The following GTF2IRD2B variants were observed in gnomAD, a reference collection of about 807,000 sequenced individuals.
GTF2IRD2B encodes general transcription factor II-I repeat domain-containing protein 2B.
GTF2IRD2B carries 10 observed loss-of-function variants against 55.6 expected under a neutral mutation model. That is an observed-to-expected ratio of 0.18 (90% CI 0.11 to 0.31). The LOEUF (loss-of-function observed/expected upper bound fraction) is 0.31. GTF2IRD2B is among the 10% of genes least tolerant of loss of function. GTF2IRD2B has a pLI of 1.00. For missense variants in GTF2IRD2B, 206 were observed against 802.7 expected (o/e 0.26, Z 8.98); for synonymous variants, 107 against 320.5 (o/e 0.33, Z 7.12).
chr7:75,104,783 C>T (rs587691291), intron 1 of GTF2IRD2B, among the ~76,000 whole-genome samples: 1,844 of 151,468 alleles, frequency 0.012, no homozygotes, highest in African/African-American at 0.043. Flanking sequence ...CTAGGACCTA[C>T]GCGTCTCATG....
chr7:75,140,743 A>AGGAT (rs1808995686), intron 12 of GTF2IRD2B, among the ~76,000 whole-genome samples: 2 of 152,294 alleles, frequency 1.3e-5, no homozygotes, highest in African/African-American at 4.8e-5. Flanking sequence ...CGTGTTAGCC[A>AGGAT]GGATGGTCTC....
At chr7:75,101,893 CAAAAAAAAAAAA>C (rs1243907524) in intron 1 of GTF2IRD2B, among the ~76,000 whole-genome samples, 1 of 78,422 alleles carries the variant, frequency 1.3e-5, no homozygotes. Flanking sequence ...GACCCCATCT[CAAAAAAAAAAAA>C]AAAAAAAAGA....
At position 75,104,749 on chromosome 7, in the gene GTF2IRD2B, C is replaced by G. The variant is rs1160126929; in HGVS notation, c.-5-4211C>G. On this transcript the variant is annotated intron_variant, in intron 1 of 15. Transcript: ENST00000472837. ...TGTGCATTTGCTTGGTGAGTGGAATCTAGAATGCTCAAGAAAAGACTTTCT... is the reference window on the plus strand; with the variant it reads ...TGTGCATTTGCTTGGTGAGTGGAATGTAGAATGCTCAAGAAAAGACTTTCT... Among the ~76,000 whole-genome samples the G allele has an allele frequency of 2.0e-5, 3 of 152,402 alleles. No individual in the cohort carries two copies. The East Asian group carries it at 5.8e-4, about 29-fold the overall frequency.
At chr7:75,117,444 C>G (rs1478694598) in intron 3 of GTF2IRD2B, among the ~76,000 whole-genome samples, 1 of 152,294 alleles carries the variant, frequency 6.6e-6, no homozygotes, top group African/African-American at 2.4e-5. Flanking sequence ...GCAGTGAGCT[C>G]TCACCTGCCT....
intron 3 of GTF2IRD2B, 83 bp from the exon 4 acceptor site, chr7:75,120,808 T>A: frequency 6.4e-7 from 1 of 1,565,080 alleles, no homozygotes; most frequent in Non-Finnish European, 8.6e-7. Context: ...TTTCCCTTTT[T>A]TCTTTCAATA....
chr7:75,134,562 G>A (rs1808772497), intron 9 of GTF2IRD2B, among the ~76,000 whole-genome samples: 2 of 132,690 alleles, frequency 1.5e-5, no homozygotes, highest in Non-Finnish European at 3.1e-5. Flanking sequence ...ATTGGTTTAT[G>A]TTTTTTTTGT....
intron 1 of GTF2IRD2B, among the ~76,000 whole-genome samples, chr7:75,105,259 T>C (rs1266254834): frequency 6.6e-6 from 1 of 151,236 alleles, no homozygotes; most frequent in Non-Finnish European, 1.5e-5. Context: ...ATCCCAGCAC[T>C]TTAGGAGGCC....
chr7:75,114,242 C>T (rs143321117), intron 3 of GTF2IRD2B, among the ~76,000 whole-genome samples: 20 of 151,220 alleles, frequency 1.3e-4, no homozygotes, highest in African/African-American at 3.4e-4. Context: ...CAGTATGTAA[C>T]TGATACACAA....
intron 6 of GTF2IRD2B, chr7:75,123,783 C>A (rs1430312714): frequency 1.3e-5 from 6 of 467,028 alleles, no homozygotes; most frequent in African/African-American, 7.9e-5. Flanking sequence ...GAGTCTGAGG[C>A]AGGAGAATGG....
At chr7:75,113,743 A>G (rs1371690762) in intron 3 of GTF2IRD2B, among the ~76,000 whole-genome samples, 4 of 148,364 alleles carry the variant, frequency 2.7e-5, no homozygotes, top group Non-Finnish European at 6.0e-5. Flanking sequence ...GTAACCATGA[A>G]AGGATAAAAA....
chr7:75,119,632 T>C (rs2718252), intron 3 of GTF2IRD2B, among the ~76,000 whole-genome samples: 60 of 146,460 alleles, frequency 4.1e-4, no homozygotes, highest in African/African-American at 1.3e-3. Flanking sequence ...CCAGCCTAGG[T>C]GACAGAGTGA....
Position 75,149,556 on chromosome 7 carries a change from T to G in GTF2IRD2B, c.*259T>G, listed in dbSNP as rs1809266987. 3 of 439,048 alleles carry G rather than the reference T, an allele frequency of 6.8e-6. No homozygotes were observed. Among genetic ancestry groups the G allele is most frequent in the African/African-American group, 4.0e-5 (2 of 49,474 alleles). The allele number at this position is 439,048 out of a possible 1,614,324, so 27.2% of individuals were successfully genotyped here. ...CCACCATGCCCGGCTAATTTTTGTA[T>G]TAGTAGAGATGAGGTTTCACCATGT... On this transcript the variant is annotated 3_prime_UTR_variant, in exon 16 of 16. Transcript: ENST00000472837.
intron 1 of GTF2IRD2B, among the ~76,000 whole-genome samples, chr7:75,103,861 T>C (rs1206803230): frequency 3.1e-4 from 45 of 146,132 alleles, no homozygotes; most frequent in African/African-American, 1.1e-3. Context: ...TGAAACCCCG[T>C]CTCTACTAAA....
chr7:75,127,587 TA>T (rs1237406394), intron 8 of GTF2IRD2B, among the ~76,000 whole-genome samples: 1 of 147,886 alleles, frequency 6.8e-6, no homozygotes, highest in Non-Finnish European at 1.5e-5. Context: ...AATATTATTT[TA>T]TTTATAGTTG....
chr7:75,102,471 G>T (rs1190319608), intron 1 of GTF2IRD2B, among the ~76,000 whole-genome samples: 2 of 151,398 alleles, frequency 1.3e-5, no homozygotes, highest in Non-Finnish European at 3.0e-5. Flanking sequence ...AAGTTGAGGG[G>T]ATTCATAAAA....
chr7:75,115,713 G>T (rs1232053596), intron 3 of GTF2IRD2B, among the ~76,000 whole-genome samples: 1 of 149,606 alleles, frequency 6.7e-6, no homozygotes, highest in Non-Finnish European at 1.5e-5. Context: ...GGATTACAGG[G>T]TGAGCCACCG....
Position 75,142,906 on chromosome 7 carries a change from AGAGTT to A in GTF2IRD2B, c.1217+242_1217+246del, listed in dbSNP as rs1809056347. ...TTTTAGCTCACACAGCACCTAGCGT[AGAGTT>A]AATACTCTGCAAAAATTTGTCCAAT... On this transcript the variant is annotated intron_variant, in intron 14 of 15. Transcript: ENST00000472837. 1.7e-5 allele frequency among the ~76,000 whole-genome samples: 2 copies of A among 116,456 alleles called. 1 individual carries two copies. Among genetic ancestry groups the A allele is most frequent in the South Asian group, 5.0e-4 (2 of 4,024 alleles). The allele number at this position is 116,456 out of a possible 152,430, so 76.4% of individuals were successfully genotyped here. A position where few individuals can be genotyped will look rare whatever the true frequency, so the allele number is the denominator to read the frequency against.
chr7:75,133,079 CTTTG>C (rs1808718506), intron 8 of GTF2IRD2B, 52 bp from the exon 9 acceptor site: 1 of 394,716 alleles, frequency 2.5e-6, no homozygotes, highest in Non-Finnish European at 4.4e-6. Flanking sequence ...AGTCGTATTT[CTTTG>C]TTGGCAAACT....
At chr7:75,127,021 A>C (rs587696569) in intron 8 of GTF2IRD2B, among the ~76,000 whole-genome samples, 2,597 of 98,778 alleles carry the variant, frequency 0.026, 42 homozygotes, top group African/African-American at 0.066. Context: ...ACAAAAACAA[A>C]AACAAAAAAA....
Sources: gnomAD v4.1 joint callset for allele counts (sites outside exome capture counted in the v4.1 genomes callset) on GRCh38, gnomAD v4.1.1 for gene constraint, MANE v1.5 for transcripts, NCBI Gene and HGNC (gene_info 2026-07-23, HGNC 2026-07-21) for gene names.